Variants in SPATS2 observed in about 807,000 individuals in gnomAD.
The protein encoded by SPATS2 is spermatogenesis-associated serine-rich protein 2.
SPATS2 carries 38 observed loss-of-function variants against 63.7 expected under a neutral mutation model. The observed-to-expected ratio is 0.60, with a 90% CI of 0.46 to 0.78. SPATS2 has a LOEUF of 0.78. SPATS2 is among the 30% of genes least tolerant of loss of function. The pLI is 0.00. For synonymous variants in SPATS2, 207 were observed against 232.9 expected (o/e 0.89, Z 1.01); for missense variants, 588 against 666.2 (o/e 0.88, Z 1.29).
At chr12:49,450,862 T>G (rs917495407) in intron 2 of SPATS2, among the ~76,000 whole-genome samples, 4 of 149,592 alleles carry the variant, frequency 2.7e-5, no homozygotes, top group Non-Finnish European at 4.5e-5. Flanking sequence ...TTTTGTTTTG[T>G]TTTGTTTTTT....
Position 49,494,916 on chromosome 12 carries a change from T to C in SPATS2, c.440T>C (p.Leu147Pro). 2 of 1,614,006 alleles carry C rather than the reference T, an allele frequency of 1.2e-6. No individual in the cohort carries two copies. Among genetic ancestry groups the C allele is most frequent in the Non-Finnish European group, 1.7e-6 (2 of 1,180,004 alleles). ...AATGACACTGAGTCTGTGGACTCAC[T>C]CAGTGAAGGTTTGGAGACACTTTCA... Reference protein sequence around the residue: ...AINDTESVDSLSEGLETLSID... With the variant: ...AINDTESVDSPSEGLETLSID... Residue 147 changes from leucine to proline, a missense_variant, in exon 7 of 14, where the codon CTC becomes CCC. By Grantham distance (98) the Leu-to-Pro change is moderately conservative (BLOSUM62 -3). Transcript: ENST00000552918.
chr12:49,490,610 G>A (rs1946366052), intron 5 of SPATS2, 72 bp from the exon 6 acceptor site: 1 of 1,380,882 alleles, frequency 7.2e-7, no homozygotes, highest in Non-Finnish European at 1.0e-6. Flanking sequence ...TACAAAATGG[G>A]AGGACACTGA....
At chr12:49,426,292 T>G (rs923189463) in intron 2 of SPATS2, among the ~76,000 whole-genome samples, 1 of 152,180 alleles carries the variant, frequency 6.6e-6, no homozygotes, top group Non-Finnish European at 1.5e-5. Context: ...CACAGCCATA[T>G]AACCACTATT....
At chr12:49,403,644 C>A (rs955070696) in intron 2 of SPATS2, among the ~76,000 whole-genome samples, 1 of 144,344 alleles carries the variant, frequency 6.9e-6, no homozygotes, top group African/African-American at 2.6e-5. Flanking sequence ...CACACACAAA[C>A]AAAACTGGAA....
intron 12 of SPATS2, among the ~76,000 whole-genome samples, chr12:49,524,012 G>T (rs533076961): frequency 8.6e-5 from 13 of 151,714 alleles, no homozygotes; most frequent in Non-Finnish European, 1.9e-4. Context: ...CATTAATCCA[G>T]CTTAAAGCCA....
intron 2 of SPATS2, among the ~76,000 whole-genome samples, chr12:49,398,531 G>A (rs11168998): frequency 1.3e-5 from 2 of 152,254 alleles, no homozygotes; most frequent in East Asian, 1.9e-4. Context: ...AGGGAAGAAC[G>A]CATATCACTT....
chr12:49,476,093 G>C (rs1330081647), intron 3 of SPATS2, among the ~76,000 whole-genome samples: 2 of 152,082 alleles, frequency 1.3e-5, no homozygotes, highest in African/African-American at 4.8e-5. Flanking sequence ...CATTTCCCAA[G>C]ACCACCCTGG....
At chr12:49,493,114 A>AAAG (rs1555190372) in intron 6 of SPATS2, among the ~76,000 whole-genome samples, 2 of 151,310 alleles carry the variant, frequency 1.3e-5, no homozygotes, top group African/African-American at 4.9e-5. Context: ...AAAAAAAAAA[A>AAAG]AAAGAAAGAA....
At chr12:49,421,014 A>G (rs1677946344) in intron 2 of SPATS2, among the ~76,000 whole-genome samples, 1 of 152,212 alleles carries the variant, frequency 6.6e-6, no homozygotes, top group South Asian at 2.1e-4. Flanking sequence ...TTCAAAAGGA[A>G]AAAAGAATGC....
intron 2 of SPATS2, among the ~76,000 whole-genome samples, chr12:49,436,638 G>T (rs1455917875): frequency 7.9e-6 from 1 of 127,328 alleles, no homozygotes; most frequent in East Asian, 2.5e-4. Flanking sequence ...CGGACGGGGC[G>T]GCTGGCCGGG....
At position 49,456,633 on chromosome 12, in the gene SPATS2, C is replaced by T. The variant is rs533845403; in HGVS notation, c.-243-4137C>T. 3.9e-5 allele frequency among the ~76,000 whole-genome samples: 6 copies of T among 152,134 alleles called. No individual in the cohort carries two copies. In the South Asian group the frequency reaches 6.2e-4, roughly 16 times the overall value. On this transcript the variant is annotated intron_variant, in intron 2 of 13. Coordinates refer to ENST00000552918, the MANE Select transcript of SPATS2 (RefSeq NM_023071.4). ...TAGAAGACTCAGGATGAGAGATTCT[C>T]GTGATTTAGACAAGGGTAGTAGCAG...
chr12:49,516,987 A>C (rs1458058323), intron 10 of SPATS2, among the ~76,000 whole-genome samples: 1 of 152,124 alleles, frequency 6.6e-6, no homozygotes, highest in African/African-American at 2.4e-5. Context: ...TTTACATATT[A>C]TAATTTTATT....
At chr12:49,392,261 A>C (rs1246477217) in intron 2 of SPATS2, among the ~76,000 whole-genome samples, 1 of 151,996 alleles carries the variant, frequency 6.6e-6, no homozygotes, top group Non-Finnish European at 1.5e-5. Context: ...TTGTTGTTAA[A>C]CAGAACCTTA....
intron 2 of SPATS2, among the ~76,000 whole-genome samples, chr12:49,374,985 A>AAAG (rs1406101339): frequency 2.0e-5 from 3 of 148,586 alleles, no homozygotes; most frequent in South Asian, 2.2e-4. Context: ...AAAAAAAAAA[A>AAAG]GGCATAGGTT....
At chr12:49,501,866 A>G (rs1018033131) in intron 9 of SPATS2, among the ~76,000 whole-genome samples, 2 of 152,118 alleles carry the variant, frequency 1.3e-5, no homozygotes, top group African/African-American at 4.8e-5. Flanking sequence ...TGATCTGCCC[A>G]TCTCTGCCTC....
chr12:49,490,558 C>T, intron 5 of SPATS2, 124 bp from the exon 6 acceptor site: 1 of 904,574 alleles, frequency 1.1e-6, no homozygotes, highest in Non-Finnish European at 1.8e-6. Context: ...TGATCCTTAA[C>T]TTTAACTTTT....
At chr12:49,489,295 C>T (rs1047470021) in intron 4 of SPATS2, among the ~76,000 whole-genome samples, 170 bp from the exon 5 acceptor site, 3 of 152,208 alleles carry the variant, frequency 2.0e-5, no homozygotes, top group African/African-American at 7.2e-5. Flanking sequence ...TGTTATCACT[C>T]ATCTATTAAT....
chr12:49,449,207 TTTTG>T (rs996996620), intron 2 of SPATS2, among the ~76,000 whole-genome samples: 17 of 152,248 alleles, frequency 1.1e-4, no homozygotes, highest in South Asian at 2.1e-4. Flanking sequence ...TGTCTGTTTT[TTTTG>T]TTTGTTTGTT....
At chr12:49,408,744 C>T (rs557917810) in intron 2 of SPATS2, among the ~76,000 whole-genome samples, 10 of 151,916 alleles carry the variant, frequency 6.6e-5, no homozygotes, top group South Asian at 2.1e-4. Flanking sequence ...TTAGTAGAGA[C>T]GGGGTATCGC....
Sources: allele counts gnomAD v4.1 joint callset (sites outside exome capture counted in the v4.1 genomes callset), GRCh38; gene constraint gnomAD v4.1.1; transcripts MANE v1.5; gene names NCBI Gene and HGNC (gene_info 2026-07-23, HGNC 2026-07-21).